The following GRIN2B variants were observed in gnomAD, a reference collection of about 807,000 sequenced individuals.
GRIN2B encodes glutamate receptor ionotropic, NMDA 2B.
GRIN2B carries 5 observed loss-of-function variants against 114.5 expected under a neutral mutation model. The ratio of observed to expected loss-of-function variants is 0.04; its 90% CI spans 0.02 to 0.09. The LOEUF (loss-of-function observed/expected upper bound fraction) is 0.09, where lower values mean the gene tolerates loss of function less well. Among genes scored for constraint, GRIN2B ranks in the 10% least tolerant of loss-of-function variants. GRIN2B has a pLI of 1.00. For synonymous variants in GRIN2B, 787 were observed against 745.1 expected (o/e 1.06, Z -0.92); for missense variants, 1,108 against 1,943.5 (o/e 0.57, Z 8.08).
At chr12:13,617,328 C>A (rs531511306) in intron 5 of GRIN2B, among the ~76,000 whole-genome samples, 1 of 152,298 alleles carries the variant, frequency 6.6e-6, no homozygotes, top group South Asian at 2.1e-4. Context: ...TGGGTGGAAG[C>A]CCTGGGATGA....
intron 4 of GRIN2B, among the ~76,000 whole-genome samples, chr12:13,730,177 C>T (rs11609779): frequency 0.11 from 17,420 of 151,900 alleles, 1,253 homozygotes; most frequent in Non-Finnish European, 0.16. Context: ...CAAGGAATTG[C>T]TCAGATTTCA....
At chr12:13,700,519 C>G (rs1025952847) in intron 4 of GRIN2B, among the ~76,000 whole-genome samples, 1 of 152,130 alleles carries the variant, frequency 6.6e-6, no homozygotes, top group African/African-American at 2.4e-5. Flanking sequence ...GAGAATACAG[C>G]AGAAGTGATA....
rs867367936 is a variant in GRIN2B at position 13,748,292 on chromosome 12, T to C, written c.1010+5025A>G. 9.2e-5 allele frequency among the ~76,000 whole-genome samples: 14 copies of C among 152,332 alleles called. No individual in the cohort carries two copies. The Middle Eastern group carries it at 0.01, about 111-fold the overall frequency. The stretch of plus-strand genomic sequence containing the variant: ...TACAAGTTCCAAAAGTAGCTCTGTA[T>C]GAAGAGAAGCAGCGGGCTCTCAGGA... On this transcript the variant is annotated intron_variant, in intron 4 of 13. Transcript: ENST00000609686.
At chr12:13,772,570 A>G (rs190580813) in intron 3 of GRIN2B, among the ~76,000 whole-genome samples, 1 of 152,314 alleles carries the variant, frequency 6.6e-6, no homozygotes, top group East Asian at 1.9e-4. Context: ...TAATTTTACA[A>G]TATAAAATTC....
intron 2 of GRIN2B, among the ~76,000 whole-genome samples, chr12:13,953,853 T>A (rs1479877710): frequency 6.6e-6 from 1 of 152,254 alleles, no homozygotes; most frequent in Non-Finnish European, 1.5e-5. Flanking sequence ...CTTATCCCTT[T>A]GTCCCTGATT....
intron 3 of GRIN2B, among the ~76,000 whole-genome samples, chr12:13,843,104 C>T (rs1865411342): frequency 1.5e-5 from 2 of 129,152 alleles, no homozygotes. Flanking sequence ...AGGCTTGCTA[C>T]ACTGGGGAAA....
At chr12:13,897,890 G>A (rs939012756) in intron 2 of GRIN2B, among the ~76,000 whole-genome samples, 7 of 151,596 alleles carry the variant, frequency 4.6e-5, no homozygotes, top group Non-Finnish European at 7.4e-5. Flanking sequence ...TTTATATCCT[G>A]GGCCCAGATT....
chr12:13,688,560 G>T (rs1591677090), intron 4 of GRIN2B, among the ~76,000 whole-genome samples: 3 of 152,246 alleles, frequency 2.0e-5, no homozygotes, highest in South Asian at 4.1e-4. Flanking sequence ...AAAAACAGGA[G>T]AAAAACCACA....
Position 13,555,015 on chromosome 12 carries a change from G to A in GRIN2B, c.*7768C>T, listed in dbSNP as rs1948461711. The A allele has an allele frequency of 6.6e-6, 1 of 152,152 alleles. No individual in the cohort carries two copies. The highest frequency in any genetic ancestry group is 2.1e-4 in the South Asian group (1 of 4,832). The allele number at this position is 152,152 out of a possible 1,614,324, so 9.4% of individuals were successfully genotyped here. On this transcript the variant is annotated 3_prime_UTR_variant, in exon 14 of 14. Transcript: ENST00000609686. ...GAAAAGCAAAAGGTAGGGGCTAAAA[G>A]TGAAGATTTGGGATTCATCTTCATT...
At chr12:13,697,487 T>C (rs911197149) in intron 4 of GRIN2B, among the ~76,000 whole-genome samples, 1 of 152,158 alleles carries the variant, frequency 6.6e-6, no homozygotes, top group Non-Finnish European at 1.5e-5. Context: ...TTCTCTCTTA[T>C]GTAGGTGCTA....
In GRIN2B at chr12:13,564,619, A is replaced by G; in HGVS notation, c.2619T>C (p.His873=). 1 of 1,613,870 alleles carries G rather than the reference A, an allele frequency of 6.2e-7. No homozygotes were observed. Among genetic ancestry groups the G allele is most frequent in the Non-Finnish European group, 8.5e-7 (1 of 1,179,978 alleles). ...ACTGGCGCTCCTCGATCGCCACCCC[A>G]TGGATGCAGCTGTAGATACCCTGAA... ...SISRGIYSCI[H]GVAIEERQSV... Residue 873 remains histidine, a synonymous_variant, in exon 14 of 14, where the codon CAT becomes CAC. Transcript: ENST00000609686. This position sits in a 1 kb window ranked among gnomAD's most constrained non-coding sequence, Gnocchi z 4.8.
chr12:13,821,686 G>A (rs548881637), intron 3 of GRIN2B, among the ~76,000 whole-genome samples: 7 of 152,246 alleles, frequency 4.6e-5, no homozygotes, highest in South Asian at 2.1e-4. Context: ...TAGAAAAATC[G>A]TAGCACCAGG....
chr12:13,716,296 G>C (rs1447355392), intron 4 of GRIN2B, among the ~76,000 whole-genome samples: 2 of 151,920 alleles, frequency 1.3e-5, no homozygotes, highest in Non-Finnish European at 1.5e-5. Flanking sequence ...AGACAGGAGA[G>C]TATAGTGTAG....
chr12:13,856,436 AAG>A (rs367798595), intron 3 of GRIN2B, among the ~76,000 whole-genome samples: 92 of 152,274 alleles, frequency 6.0e-4, no homozygotes, highest in African/African-American at 2.1e-3. Flanking sequence ...CAGCACAGAC[AAG>A]AGAGAATGAG....
chr12:13,813,220 C>A (rs1047341540), intron 3 of GRIN2B, among the ~76,000 whole-genome samples: 2 of 151,968 alleles, frequency 1.3e-5, no homozygotes, highest in African/African-American at 4.8e-5. Context: ...CAGGCGTGAG[C>A]CACCGTGCCC....
intron 3 of GRIN2B, among the ~76,000 whole-genome samples, chr12:13,831,227 A>T (rs1490098649): frequency 1.3e-5 from 2 of 152,234 alleles, no homozygotes; most frequent in East Asian, 1.9e-4. Context: ...CAGCCTGCAG[A>T]AGTGTAAGCC....
chr12:13,820,382 C>A (rs1236384841), intron 3 of GRIN2B, among the ~76,000 whole-genome samples: 2 of 152,160 alleles, frequency 1.3e-5, no homozygotes, highest in Non-Finnish European at 2.9e-5. Context: ...TATATTTATT[C>A]AATAAATATT....
At chr12:13,980,572 G>A (rs979954454) in intron 1 of GRIN2B, among the ~76,000 whole-genome samples, 5 of 152,048 alleles carry the variant, frequency 3.3e-5, no homozygotes, top group African/African-American at 1.2e-4. Context: ...GGACAGGCAC[G>A]GATGAGAGGT....
intron 4 of GRIN2B, among the ~76,000 whole-genome samples, chr12:13,680,746 A>G (rs892592803): frequency 6.6e-6 from 1 of 152,050 alleles, no homozygotes; most frequent in Non-Finnish European, 1.5e-5. Context: ...TTCCATGATC[A>G]CCAAGTGAAG....
Sources: allele counts gnomAD v4.1 joint callset (sites outside exome capture counted in the v4.1 genomes callset), GRCh38; gene constraint gnomAD v4.1.1; non-coding constraint Gnocchi (gnomAD v3.1); transcripts MANE v1.5; gene names NCBI Gene and HGNC (gene_info 2026-07-23, HGNC 2026-07-21).